FIRRM: variants seen among roughly 807,000 people sequenced by gnomAD.
FIRRM encodes the protein FIGNL1-interacting regulator of recombination and mitosis.
the FIRRM span, chr1:169,800,847 A>G: frequency 9.3e-7 from 1 of 1,080,994 alleles, no homozygotes; most frequent in African/African-American, 1.6e-5. Flanking sequence ...GACTGACATG[A>G]CAATATTTTT....
At chr1:169,823,298 A>T in the FIRRM span, 1 of 560,276 alleles carries the variant, frequency 1.8e-6, no homozygotes, top group Non-Finnish European at 3.1e-6. Flanking sequence ...TAATTTTTTT[A>T]AAAGGGGTCA....
chr1:169,822,630 G>C, the FIRRM span, among the ~76,000 whole-genome samples: 1 of 152,054 alleles, frequency 6.6e-6, no homozygotes, highest in Non-Finnish European at 1.5e-5. Flanking sequence ...CTCCCGAGGA[G>C]CTGAGACCAC....
the FIRRM span, among the ~76,000 whole-genome samples, chr1:169,843,228 A>C: frequency 6.6e-6 from 1 of 152,222 alleles, no homozygotes; most frequent in East Asian, 1.9e-4. Context: ...TTCAACAAAT[A>C]CTTTTCCTGA....
At chr1:169,845,797 G>C in the FIRRM span, among the ~76,000 whole-genome samples, 1 of 152,246 alleles carries the variant, frequency 6.6e-6, no homozygotes, top group East Asian at 1.9e-4. Context: ...CGGTAGGCTT[G>C]AACCCCCCAA....
the FIRRM span, chr1:169,826,931 T>C: frequency 3.4e-6 from 3 of 872,906 alleles, no homozygotes; most frequent in East Asian, 2.7e-5. Context: ...TGCACACTTA[T>C]TTTTAAAAAC....
chr1:169,826,051 C>G, the FIRRM span: 1 of 296,480 alleles, frequency 3.4e-6, no homozygotes, highest in South Asian at 3.4e-5. Context: ...GTAAATTCAG[C>G]ATTCTGCCTA....
At chr1:169,810,834 A>ATTTTTTTTTTTTTTTTTTTTTTTTTTTTT in the FIRRM span, among the ~76,000 whole-genome samples, 1 of 61,194 alleles carries the variant, frequency 1.6e-5, no homozygotes. Context: ...TTAGCCCCCA[A>ATTTTTTTTTTTTTTTTTTTTTTTTTTTTT]TTTTTTTTTT....
chr1:169,834,473 C>CT, the FIRRM span, among the ~76,000 whole-genome samples: 25,708 of 151,582 alleles, frequency 0.17, 2,253 homozygotes, highest in South Asian at 0.27. Flanking sequence ...CTGCTTGGCT[C>CT]TTTTTTTTAA....
chr1:169,834,713 G>A, the FIRRM span, among the ~76,000 whole-genome samples: 1 of 152,040 alleles, frequency 6.6e-6, no homozygotes, highest in Admixed American at 6.6e-5. Context: ...AGGATCAGAG[G>A]ATCTTTTTAT....
the FIRRM span, among the ~76,000 whole-genome samples, chr1:169,826,848 T>G: frequency 6.6e-6 from 1 of 151,092 alleles, no homozygotes; most frequent in Non-Finnish European, 1.5e-5. Flanking sequence ...TATAGAATTA[T>G]GGCTATGTTT....
the FIRRM span, among the ~76,000 whole-genome samples, chr1:169,820,834 G>T: frequency 2.6e-4 from 39 of 152,274 alleles, no homozygotes; most frequent in African/African-American, 9.4e-4. Flanking sequence ...TCCTGATCCA[G>T]ACCCCAAAAG....
the FIRRM span, among the ~76,000 whole-genome samples, chr1:169,808,307 C>T: frequency 3.9e-5 from 6 of 152,186 alleles, no homozygotes; most frequent in South Asian, 1.0e-3. Context: ...CAACGCATTG[C>T]GACCTTTAGG....
the FIRRM span, among the ~76,000 whole-genome samples, chr1:169,817,513 AATAACATATTT>A: frequency 6.6e-6 from 1 of 152,218 alleles, no homozygotes; most frequent in Non-Finnish European, 1.5e-5. Flanking sequence ...AACACATGCC[AATAACATATTT>A]ATACAAATAT....
the FIRRM span, chr1:169,793,708 T>C: frequency 6.4e-7 from 1 of 1,554,678 alleles, no homozygotes; most frequent in East Asian, 2.3e-5. Flanking sequence ...TCTTATTAAA[T>C]GCACACAATC....
At chr1:169,830,556 A>G in the FIRRM span, 6 of 855,844 alleles carry the variant, frequency 7.0e-6, no homozygotes, top group African/African-American at 5.1e-5. Flanking sequence ...GGAGTTTTGT[A>G]TATTGTGATA....
the FIRRM span, among the ~76,000 whole-genome samples, chr1:169,799,347 A>G: frequency 2.6e-5 from 4 of 152,352 alleles, no homozygotes; most frequent in East Asian, 5.8e-4. Flanking sequence ...TGTCTAGGTG[A>G]TAACAAATTT....
the FIRRM span, chr1:169,795,908 G>T: frequency 1.0e-6 from 1 of 985,372 alleles, no homozygotes; most frequent in Non-Finnish European, 1.2e-6. Flanking sequence ...CGCCTTCTTC[G>T]TCCGGGTGCA....
chr1:169,823,382 G>C, the FIRRM span: 122 of 1,490,416 alleles, frequency 8.2e-5, no homozygotes, highest in African/African-American at 1.5e-3. Flanking sequence ...TTTATGCAAA[G>C]AATGAATAGA....
the FIRRM span, chr1:169,823,449 C>CCA: frequency 6.2e-7 from 1 of 1,603,974 alleles, no homozygotes; most frequent in African/African-American, 1.3e-5. Context: ...GTACTTTGCA[C>CCA]CAACTGTATC....
Sources: allele counts gnomAD v4.1 joint callset (sites outside exome capture counted in the v4.1 genomes callset), GRCh38; gene constraint gnomAD v4.1.1; transcripts MANE v1.5; gene names NCBI Gene and HGNC (gene_info 2026-07-23, HGNC 2026-07-21).